Variants in HMGA2 observed in about 807,000 individuals in gnomAD.
The protein encoded by HMGA2 is high mobility group AT-hook 2, also known as high mobility group protein HMGI-C.
Under a neutral mutation model 19.1 loss-of-function variants are expected in HMGA2, and 8 were observed. The ratio of observed to expected loss-of-function variants is 0.42; its 90% CI spans 0.25 to 0.76. HMGA2 has a LOEUF of 0.76. Ranked by LOEUF, HMGA2 falls within the 30% of genes least tolerant of loss-of-function variation. The pLI, the probability that HMGA2 is intolerant of heterozygous loss-of-function variation, is 0.28. For missense variants in HMGA2, 109 were observed against 136.3 expected, an observed-to-expected ratio of 0.80 and a Z score of 1.00; for synonymous variants, 60 against 48.8, an observed-to-expected ratio of 1.23 and a Z score of -0.96.
chr12:65,959,888 CT>C (rs1012462014), intron 4 of HMGA2, among the ~76,000 whole-genome samples: 6 of 151,276 alleles, frequency 4.0e-5, no homozygotes, highest in East Asian at 1.9e-4. Context: ...GTCTTTTTTT[CT>C]TTTTTTTTCT....
At chr12:65,890,507 G>A (rs542237054) in intron 3 of HMGA2, among the ~76,000 whole-genome samples, 11 of 152,010 alleles carry the variant, frequency 7.2e-5, no homozygotes, top group African/African-American at 2.7e-4. Context: ...TTTCTATAAC[G>A]TTGCCTAAGG....
chr12:65,898,952 G>A lies in HMGA2; in HGVS notation c.250-52431G>A, dbSNP rs1874252949. ...CCAGCTACTCGAGAGGCTGAGGCAG[G>A]AGAATGGCATGAACCCGGGAGGCTG... On this transcript the variant is annotated intron_variant, in intron 3 of 4. Transcript: ENST00000403681. Among the ~76,000 whole-genome samples the A allele has an allele frequency of 2.7e-5, 4 of 148,816 alleles. No homozygotes were observed. In the Admixed American group the frequency reaches 2.7e-4, roughly 10 times the overall value.
At chr12:65,951,353 T>G in intron 3 of HMGA2, 30 bp from the exon 4 acceptor site, 2 of 1,430,866 alleles carry the variant, frequency 1.4e-6, no homozygotes, top group Non-Finnish European at 1.9e-6. Flanking sequence ...TATTTTCTTT[T>G]AAAATATATC....
At chr12:65,865,028 C>T (rs1006330073) in intron 3 of HMGA2, among the ~76,000 whole-genome samples, 5 of 152,166 alleles carry the variant, frequency 3.3e-5, no homozygotes, top group African/African-American at 9.7e-5. Flanking sequence ...CCTCCTCATC[C>T]TCAGCCTCCT....
chr12:65,838,657 A>C, intron 3 of HMGA2, 88 bp downstream of exon 3: 1 of 920,386 alleles, frequency 1.1e-6, no homozygotes. Context: ...CGTCGATTAC[A>C]TGAATTTCCA....
At chr12:65,837,298 TC>T (rs1245773979) in intron 2 of HMGA2, among the ~76,000 whole-genome samples, 1 of 152,194 alleles carries the variant, frequency 6.6e-6, no homozygotes, top group Non-Finnish European at 1.5e-5. Flanking sequence ...TTATTTTATC[TC>T]TCATCTACCT....
At chr12:65,894,238 T>C (rs1487539721) in intron 3 of HMGA2, among the ~76,000 whole-genome samples, 1 of 152,212 alleles carries the variant, frequency 6.6e-6, no homozygotes, top group Non-Finnish European at 1.5e-5. Context: ...CTGCTAGATT[T>C]GTGGAAGAGG....
intron 4 of HMGA2, among the ~76,000 whole-genome samples, chr12:65,961,437 G>A (rs1444813047): frequency 4.6e-5 from 7 of 152,156 alleles, no homozygotes; most frequent in Non-Finnish European, 1.0e-4. Context: ...TAGTCAAGAG[G>A]TATAAACCTG....
rs1341952702 is a variant in HMGA2 at position 65,824,785 on chromosome 12, G to C, written c.-486G>C. ...TCTCTCTCTCGCAGGGTGGGGGGAA[G>C]AGGAGGAGGAATTCTTTCCCCGCCT... On this transcript the variant is annotated 5_prime_UTR_variant, in exon 1 of 5. Coordinates refer to ENST00000403681, the MANE Select transcript of HMGA2 (RefSeq NM_003483.6). 1 of 230,630 alleles carries C rather than the reference G, an allele frequency of 4.3e-6. No homozygotes were observed. The highest frequency in any genetic ancestry group is 8.5e-6 in the Non-Finnish European group (1 of 118,210). 14.3% of individuals were successfully genotyped at this position (230,630 alleles called of 1,614,324 possible). A position where few individuals can be genotyped will look rare whatever the true frequency, so the allele number is the denominator to read the frequency against.
Position 65,842,794 on chromosome 12 carries a change from T to A in HMGA2, c.249+4225T>A, listed in dbSNP as rs143548937. ...TTTGGCATTTAATTATTTGCATTTTTCTATTCTTGCCTAGGAAAGGAGCTC... is the reference window on the plus strand; with the variant it reads ...TTTGGCATTTAATTATTTGCATTTTACTATTCTTGCCTAGGAAAGGAGCTC... On this transcript the variant is annotated intron_variant, in intron 3 of 4. Transcript: ENST00000403681. 855 of 1,379,564 alleles carry A rather than the reference T, an allele frequency of 6.2e-4. 5 individuals carry two copies. In the African/African-American group the frequency reaches 0.011, roughly 18 times the overall value. The allele number at this position is 1,379,564 out of a possible 1,614,324, so 85.5% of individuals were successfully genotyped here. A position where few individuals can be genotyped will look rare whatever the true frequency, so the allele number is the denominator to read the frequency against.
chr12:65,863,994 C>T (rs1281428498), intron 3 of HMGA2, among the ~76,000 whole-genome samples: 1 of 152,126 alleles, frequency 6.6e-6, no homozygotes, highest in African/African-American at 2.4e-5. Flanking sequence ...AATATCATTT[C>T]CCGCACTGTG....
Position 65,964,443 on chromosome 12 carries a change from A to G in HMGA2, c.*1151A>G, listed in dbSNP as rs988918880. 3 of 223,188 alleles carry G rather than the reference A, an allele frequency of 1.3e-5. No individual in the cohort carries two copies. In the East Asian group the frequency reaches 2.0e-4, roughly 15 times the overall value. The allele number at this position is 223,188 out of a possible 1,614,324, so 13.8% of individuals were successfully genotyped here. A position where few individuals can be genotyped will look rare whatever the true frequency, so the allele number is the denominator to read the frequency against. On this transcript the variant is annotated 3_prime_UTR_variant, in exon 5 of 5. Transcript: ENST00000403681. ...GTGTTACTTCAAGTAATACGTTTTG[A>G]CATAAGATGGTTGACCAAGGTGCTT... is the stretch of plus-strand genomic sequence containing the variant.
intron 2 of HMGA2, 41 bp downstream of exon 2, chr12:65,828,128 ACT>A: frequency 7.0e-7 from 1 of 1,422,964 alleles, no homozygotes; most frequent in South Asian, 1.2e-5. Flanking sequence ...TTCATCAATG[ACT>A]GACTACAGGA....
chr12:65,857,782 A>C (rs1056556592), intron 3 of HMGA2: 1 of 152,176 alleles, frequency 6.6e-6, no homozygotes, highest in African/African-American at 2.4e-5. Context: ...CCTCCCTTTA[A>C]ATTAATGTCT....
intron 3 of HMGA2, among the ~76,000 whole-genome samples, chr12:65,905,032 A>T (rs1874528694): frequency 6.6e-6 from 1 of 151,754 alleles, no homozygotes. Context: ...ACAGAGCAAG[A>T]CTCCATCTCA....
intron 3 of HMGA2, among the ~76,000 whole-genome samples, chr12:65,916,114 C>A (rs1875091231): frequency 6.6e-6 from 1 of 152,150 alleles, no homozygotes; most frequent in Non-Finnish European, 1.5e-5. Context: ...TGAACAAGTC[C>A]CCCACAGAAC....
intron 3 of HMGA2, among the ~76,000 whole-genome samples, chr12:65,892,777 A>C (rs564491643): frequency 5.3e-5 from 8 of 152,204 alleles, no homozygotes; most frequent in East Asian, 3.9e-4. Flanking sequence ...TAAAACTTAA[A>C]ACTAGAGCTG....
At chr12:65,915,162 C>A in intron 3 of HMGA2, 1 of 1,612,620 alleles carries the variant, frequency 6.2e-7, no homozygotes, top group South Asian at 1.1e-5. Flanking sequence ...GATAGCTCTT[C>A]ATGTTATTTT....
intron 4 of HMGA2, chr12:65,958,649 C>A (rs551009974): frequency 1.3e-5 from 2 of 152,066 alleles, no homozygotes; most frequent in Admixed American, 1.3e-4. Context: ...TACTCATGAA[C>A]GTGGAAAACT....
Sources: allele counts gnomAD v4.1 joint callset (sites outside exome capture counted in the v4.1 genomes callset), GRCh38; gene constraint gnomAD v4.1.1; transcripts MANE v1.5; gene names NCBI Gene and HGNC (gene_info 2026-07-23, HGNC 2026-07-21).